UGT2A2: variants seen among roughly 807,000 people sequenced by gnomAD.
The protein encoded by UGT2A2 is UDP-glucuronosyltransferase 2A2.
UGT2A2 carries 60 observed loss-of-function variants against 50.7 expected under a neutral mutation model. The observed-to-expected ratio is 1.18, with a 90% CI of 0.96 to 1.47. UGT2A2 has a LOEUF of 1.47. UGT2A2 is among the 40% of genes most tolerant of loss of function. The pLI, the probability that UGT2A2 is intolerant of heterozygous loss-of-function variation, is 0.00. For missense variants in UGT2A2, 762 were observed against 634.0 expected, an observed-to-expected ratio of 1.20 and a Z score of -2.17; for synonymous variants, 242 against 214.6, an observed-to-expected ratio of 1.13 and a Z score of -1.11.
At chr4:69,612,559 A>G (rs1163614642) in intron 1 of UGT2A2, among the ~76,000 whole-genome samples, 1 of 152,046 alleles carries the variant, frequency 6.6e-6, no homozygotes, top group Non-Finnish European at 1.5e-5. Flanking sequence ...AGCAGAAAAC[A>G]AAACTCATTA....
intron 1 of UGT2A2, among the ~76,000 whole-genome samples, chr4:69,615,922 A>T (rs985128613): frequency 3.3e-5 from 5 of 152,060 alleles, no homozygotes; most frequent in Admixed American, 6.6e-5. Flanking sequence ...ATATCCAAAT[A>T]AAGGAATCAG....
Position 69,594,503 on chromosome 4 carries a change from AGC to A in UGT2A2, c.1303_1304del (p.Ala435PhefsTer6). The A allele has an allele frequency of 6.2e-7, 1 of 1,614,156 alleles. No individual in the cohort carries two copies. The highest frequency in any genetic ancestry group is 1.1e-5 in the South Asian group (1 of 91,086). On this transcript the variant is annotated frameshift_variant, in exon 5 of 6. Transcript: ENST00000604629. LOFTEE classifies it high-confidence loss of function. Reference protein sequence around the residue: ...NTMTSVDLLSALRTVINEPSY... With the variant: ...NTMTSVDLLSXLRTVINEPSY... The stretch of plus-strand genomic sequence containing the variant: ...AAGGTTCATTAATGACTGTTCTCAA[AGC>A]GCTAAGCAAATCCACACTTGTCATT...
chr4:69,629,203 T>C (rs1198634680), intron 1 of UGT2A2, among the ~76,000 whole-genome samples: 1 of 151,364 alleles, frequency 6.6e-6, no homozygotes, highest in Non-Finnish European at 1.5e-5. Flanking sequence ...TTAATACTCC[T>C]CCAGGTAGAA....
Position 69,606,260 on chromosome 4 carries a change from T to G in UGT2A2, c.743-6866A>C, listed in dbSNP as rs576681370. The stretch of plus-strand genomic sequence containing the variant: ...GGGCTTCATCCCTGGGACGCAAGGC[T>G]GGGTCAACATACGCAAATCAACAAA... On this transcript the variant is annotated intron_variant, in intron 1 of 5. Coordinates refer to ENST00000604629, the MANE Select transcript of UGT2A2 (RefSeq NM_001105677.2). Among the ~76,000 whole-genome samples, 6 of 136,638 alleles carry G rather than the reference T, an allele frequency of 4.4e-5. 1 individual carries two copies. Among genetic ancestry groups the G allele is most frequent in the African/African-American group, 1.5e-4 (5 of 33,710 alleles). 89.6% of individuals were successfully genotyped at this position (136,638 alleles called of 152,430 possible).
At chr4:69,631,918 C>G (rs1560489094) in intron 1 of UGT2A2, among the ~76,000 whole-genome samples, 2 of 152,128 alleles carry the variant, frequency 1.3e-5, no homozygotes, top group African/African-American at 4.8e-5. Context: ...CAAGAAAAGA[C>G]AGAAAATATC....
intron 1 of UGT2A2, among the ~76,000 whole-genome samples, chr4:69,631,137 C>T (rs1275081457): frequency 1.3e-5 from 2 of 152,004 alleles, no homozygotes; most frequent in East Asian, 1.9e-4. Context: ...TTATTTTTGA[C>T]TTCCTATTAA....
At chr4:69,623,669 A>G (rs963948194) in intron 1 of UGT2A2, among the ~76,000 whole-genome samples, 4 of 151,450 alleles carry the variant, frequency 2.6e-5, no homozygotes, top group African/African-American at 9.7e-5. Context: ...AAAAAATTCT[A>G]TAGTAATATT....
In UGT2A2 at chr4:69,596,248, A is replaced by T. The variant is rs983464189; in HGVS notation, c.1023+2T>A. On this transcript the variant is annotated splice_donor_variant, in intron 3 of 5. Transcript: ENST00000604629. LOFTEE classifies it high-confidence loss of function. Reference sequence around the variant, plus strand: ...TGTACCAGGATTCCAGGCTGTACTGACCTTCTGTGGAATCTGGGCAAGGGC... The same window carrying T: ...TGTACCAGGATTCCAGGCTGTACTGTCCTTCTGTGGAATCTGGGCAAGGGC... 4.5e-6 allele frequency: 7 copies of T among 1,572,144 alleles called. No individual in the cohort carries two copies. The highest frequency in any genetic ancestry group is 1.8e-5 in the Admixed American group (1 of 54,736).
At chr4:69,598,339 C>T (rs891009412) in intron 2 of UGT2A2, among the ~76,000 whole-genome samples, 1 of 152,126 alleles carries the variant, frequency 6.6e-6, no homozygotes, top group Non-Finnish European at 1.5e-5. Context: ...TGTTTCCTCA[C>T]TCCTTATTGA....
chr4:69,615,150 G>A (rs373617633), intron 1 of UGT2A2, among the ~76,000 whole-genome samples: 9 of 151,958 alleles, frequency 5.9e-5, no homozygotes, highest in African/African-American at 2.2e-4. Context: ...GGACACAGGA[G>A]ACAAACCATA....
At chr4:69,622,275 T>C (rs902264604) in intron 1 of UGT2A2, among the ~76,000 whole-genome samples, 2 of 139,052 alleles carry the variant, frequency 1.4e-5, no homozygotes, top group African/African-American at 4.9e-5. Context: ...AACAAAGTAA[T>C]AATATAATGT....
chr4:69,639,284 T>C lies in UGT2A2; in HGVS notation c.357A>G (p.Glu119=), dbSNP rs1721912317. The C allele has an allele frequency of 5.0e-6, 8 of 1,613,722 alleles. No individual in the cohort carries two copies. The highest frequency in any genetic ancestry group is 6.8e-6 in the Non-Finnish European group (8 of 1,179,748). The change falls in exon 1 of 6, where the codon GAA becomes GAG. Residue 119 remains glutamate, a synonymous_variant. Coordinates refer to ENST00000604629, the MANE Select transcript of UGT2A2 (RefSeq NM_001105677.2). ...AGAAAGTGTCTAGAAGTTTTCCTAG[T>C]TCTTTGTAGAAAGCCCATATTGTGA... is the stretch of plus-strand genomic sequence containing the variant. The part of the protein sequence containing the change: ...TPLTIWAFYK[E]LGKLLDTFFQ...
At chr4:69,627,695 C>G (rs1721166537) in intron 1 of UGT2A2, among the ~76,000 whole-genome samples, 1 of 151,638 alleles carries the variant, frequency 6.6e-6, no homozygotes. Flanking sequence ...ATTTAAGGTT[C>G]ATAAACACTC....
chr4:69,616,169 A>C (rs1248702643), intron 1 of UGT2A2, among the ~76,000 whole-genome samples: 1 of 151,934 alleles, frequency 6.6e-6, no homozygotes, highest in Admixed American at 6.6e-5. Flanking sequence ...TAAAAACAAT[A>C]ATTAACGAAT....
chr4:69,611,278 C>A (rs1280681079), intron 1 of UGT2A2, among the ~76,000 whole-genome samples: 1 of 151,382 alleles, frequency 6.6e-6, no homozygotes, highest in Non-Finnish European at 1.5e-5. Context: ...CCCAGTAGGT[C>A]ACCTCCAAGT....
chr4:69,590,488 C>T lies in UGT2A2; in HGVS notation c.1332-837G>A, dbSNP rs575183436. Among the ~76,000 whole-genome samples the T allele has an allele frequency of 2.0e-5, 3 of 152,200 alleles. No homozygotes were observed. The South Asian group carries it at 6.2e-4, about 32-fold the overall frequency. The stretch of plus-strand genomic sequence containing the variant: ...TGGAAGAAAAGTTCCAGCCTGGATT[C>T]ATGAAGATGAGCGAAGGTAAATGGT... On this transcript the variant is annotated intron_variant, in intron 5 of 5. Coordinates refer to ENST00000604629, the MANE Select transcript of UGT2A2 (RefSeq NM_001105677.2).
rs1185023965 is a variant in UGT2A2 at position 69,603,993 on chromosome 4, G to T, written c.743-4599C>A. Among the ~76,000 whole-genome samples, 3 of 136,870 alleles carry T rather than the reference G, an allele frequency of 2.2e-5. 1 individual carries two copies. Among genetic ancestry groups the T allele is most frequent in the Non-Finnish European group, 4.7e-5 (3 of 64,290 alleles). 89.8% of individuals were successfully genotyped at this position (136,870 alleles called of 152,430 possible). On this transcript the variant is annotated intron_variant, in intron 1 of 5. Coordinates refer to ENST00000604629, the MANE Select transcript of UGT2A2 (RefSeq NM_001105677.2). ...ATGGAACCAAGTTGGAAAACACTCT[G>T]CAGGATATTATCCAGTAGAACCTCC...
rs771317023 is a variant in UGT2A2, at chr4:69,589,194, T to C, written c.*178A>G. The C allele has an allele frequency of 6.4e-6, 5 of 784,380 alleles. No homozygotes were observed. Among genetic ancestry groups the C allele is most frequent in the Non-Finnish European group, 9.1e-6 (5 of 547,244 alleles). The allele number at this position is 784,380 out of a possible 1,614,324, so 48.6% of individuals were successfully genotyped here. On this transcript the variant is annotated 3_prime_UTR_variant, in exon 6 of 6. Coordinates refer to ENST00000604629, the MANE Select transcript of UGT2A2 (RefSeq NM_001105677.2). ...AAGACTATAACTCACAAGTTAATAA[T>C]AATCATGCCAAAATCTAGGCTTTAT...
chr4:69,616,308 G>C (rs1384040616), intron 1 of UGT2A2, among the ~76,000 whole-genome samples: 2 of 151,908 alleles, frequency 1.3e-5, no homozygotes, highest in Non-Finnish European at 2.9e-5. Flanking sequence ...AAAAAATCTA[G>C]TGTTTGATAG....
Sources: gnomAD v4.1 joint callset for allele counts (sites outside exome capture counted in the v4.1 genomes callset) on GRCh38, gnomAD v4.1.1 for gene constraint, MANE v1.5 for transcripts, NCBI Gene and HGNC (gene_info 2026-07-23, HGNC 2026-07-21) for gene names.